OXCT1: variants seen among roughly 807,000 people sequenced by gnomAD.
OXCT1 encodes 3-oxoacid CoA-transferase 1.
Under a neutral mutation model 69.6 loss-of-function variants are expected in OXCT1, and 27 were observed. The observed-to-expected ratio is 0.39, with a 90% confidence interval of 0.29 to 0.54. OXCT1 has a LOEUF of 0.54. OXCT1 is among the 20% of genes least tolerant of loss of function. The probability of loss-of-function intolerance (pLI) is 0.72; values close to 1 mark genes in which losing one functional copy is unlikely to be tolerated. For synonymous variants in OXCT1, 202 were observed against 217.8 expected (o/e 0.93, Z 0.64); for missense variants, 437 against 650.2 (o/e 0.67, Z 3.57).
At chr5:41,806,472 A>G (rs949828303) in intron 8 of OXCT1, among the ~76,000 whole-genome samples, 2 of 152,034 alleles carry the variant, frequency 1.3e-5, no homozygotes, top group African/African-American at 2.4e-5. Flanking sequence ...GTACTTTCCA[A>G]TGTTGGAGAT....
chr5:41,843,854 A>G (rs1230395826), intron 5 of OXCT1, among the ~76,000 whole-genome samples: 1 of 152,254 alleles, frequency 6.6e-6, no homozygotes, highest in Non-Finnish European at 1.5e-5. Flanking sequence ...GCTAGAAAAA[A>G]GATTAATGCA....
Position 41,731,506 on chromosome 5 carries a change from T to C in OXCT1, c.*223A>G. On this transcript the variant is annotated 3_prime_UTR_variant, in exon 17 of 17. Transcript: ENST00000196371. ...ATTACCTATTATAAAAACAACCTTC[T>C]CAGCCTTAACAAATGAGATAATTAT... 2 of 900,726 alleles carry C rather than the reference T, an allele frequency of 2.2e-6. No homozygotes were observed. Among genetic ancestry groups the C allele is most frequent in the Non-Finnish European group, 1.6e-6 (1 of 624,658 alleles). 55.8% of individuals were successfully genotyped at this position (900,726 alleles called of 1,614,324 possible).
At chr5:41,801,502 C>T (rs7709500) in intron 10 of OXCT1, among the ~76,000 whole-genome samples, 27,795 of 151,932 alleles carry the variant, frequency 0.18, 2,756 homozygotes, top group Middle Eastern at 0.29. Flanking sequence ...ACCAGGCTGG[C>T]CAACATAGTG....
intron 13 of OXCT1, among the ~76,000 whole-genome samples, chr5:41,763,717 G>A (rs1216541985): frequency 6.6e-6 from 1 of 151,982 alleles, no homozygotes; most frequent in Non-Finnish European, 1.5e-5. Context: ...GGCGAGCGCT[G>A]GAAGAATGAA....
chr5:41,822,812 C>G (rs1035006914), intron 7 of OXCT1, among the ~76,000 whole-genome samples: 4 of 152,118 alleles, frequency 2.6e-5, no homozygotes, highest in Non-Finnish European at 5.9e-5. Context: ...TTTTTACATT[C>G]ATCTCTTTAC....
At position 41,762,151 on chromosome 5, in the gene OXCT1, G is replaced by A. The variant is rs778023760; in HGVS notation, c.1298C>T (p.Ala433Val). The A allele has an allele frequency of 1.4e-5, 23 of 1,613,052 alleles. No individual in the cohort carries two copies. The highest frequency in any genetic ancestry group is 6.7e-5 in the Admixed American group (4 of 59,954). Residue 433 changes from alanine (A) to valine (V), a missense_variant, in exon 14 of 17, where the codon GCG becomes GTG. Physicochemically the swap from Ala to Val is moderately conservative, Grantham distance 64. Coordinates refer to ENST00000196371, the MANE Select transcript of OXCT1 (RefSeq NM_000436.4). The surrounding 1 kb of genome is among the most constrained non-coding windows in gnomAD (Gnocchi z 4.0). The part of the protein sequence containing the change: ...MGGAMDLVSS[A>V]KTKVVVTMEH... ...CATGGTGACCACCACTTTGGTTTTC[G>A]CACTGGACACTAAATCCATAGCACC...
At chr5:41,818,298 G>A (rs902146767) in intron 7 of OXCT1, among the ~76,000 whole-genome samples, 4 of 152,156 alleles carry the variant, frequency 2.6e-5, no homozygotes, top group African/African-American at 9.7e-5. Flanking sequence ...AACATTCTAG[G>A]CAGTAGGAAT....
Position 41,735,536 on chromosome 5 carries a change from C to A in OXCT1, c.1522-3766G>T, listed in dbSNP as rs559329618. Among the ~76,000 whole-genome samples the A allele has an allele frequency of 4.6e-5, 7 of 152,318 alleles. No homozygotes were observed. The East Asian group carries it at 1.3e-3, about 29-fold the overall frequency. Reference sequence around the variant, plus strand: ...AATGTGAATACACTTAATATTACTGCATTGTACACTTAAACATGGTTAAGA... The same window carrying A: ...AATGTGAATACACTTAATATTACTGAATTGTACACTTAAACATGGTTAAGA... On this transcript the variant is annotated intron_variant, in intron 16 of 16. Coordinates refer to ENST00000196371, the MANE Select transcript of OXCT1 (RefSeq NM_000436.4).
intron 13 of OXCT1, among the ~76,000 whole-genome samples, chr5:41,764,067 A>G (rs910771250): frequency 3.3e-5 from 5 of 152,200 alleles, no homozygotes; most frequent in African/African-American, 1.2e-4. Context: ...ACTCAATATA[A>G]GTGAATAGCC....
At chr5:41,869,436 G>C (rs972574163) in intron 1 of OXCT1, among the ~76,000 whole-genome samples, 13 of 152,196 alleles carry the variant, frequency 8.5e-5, no homozygotes, top group Admixed American at 7.2e-4. Flanking sequence ...ACAGGGGTGG[G>C]CTTACAAGCG....
At chr5:41,865,101 C>A (rs1246445421) in intron 1 of OXCT1, among the ~76,000 whole-genome samples, 1 of 152,064 alleles carries the variant, frequency 6.6e-6, no homozygotes, top group Non-Finnish European at 1.5e-5. Context: ...AGTTACAATC[C>A]GAATACACTT....
intron 3 of OXCT1, among the ~76,000 whole-genome samples, chr5:41,855,809 A>G (rs989766303): frequency 6.6e-6 from 1 of 152,186 alleles, no homozygotes; most frequent in African/African-American, 2.4e-5. Context: ...GATAATTCTG[A>G]AAATGGAGAA....
chr5:41,762,052 G>A lies in OXCT1; in HGVS notation c.1338+59C>T. 9.0e-7 allele frequency: 1 copy of A among 1,108,126 alleles called. No individual in the cohort carries two copies. The highest frequency in any genetic ancestry group is 1.2e-5 in the South Asian group (1 of 81,114). 68.6% of individuals were successfully genotyped at this position (1,108,126 alleles called of 1,614,324 possible). A position where few individuals can be genotyped will look rare whatever the true frequency, so the allele number is the denominator to read the frequency against. ...CAGTTAGGTGACCTGGTGGTACACT[G>A]GGTTTTGATGTATTGCAAATTTCCA... On this transcript the variant is annotated intron_variant, in intron 14 of 16. Transcript: ENST00000196371. This position sits in a 1 kb window ranked among gnomAD's most constrained non-coding sequence, Gnocchi z 4.0.
chr5:41,867,976 C>T (rs923054501), intron 1 of OXCT1, among the ~76,000 whole-genome samples: 17 of 152,244 alleles, frequency 1.1e-4, no homozygotes, highest in Non-Finnish European at 1.9e-4. Context: ...GCAGTCAGTC[C>T]CCAGACCAGC....
chr5:41,731,592 C>A lies in OXCT1; in HGVS notation c.*137G>T, dbSNP rs1297143608. The A allele has an allele frequency of 2.4e-6, 3 of 1,251,942 alleles. No individual in the cohort carries two copies. The highest frequency in any genetic ancestry group is 3.0e-5 in the African/African-American group (2 of 66,214). 77.6% of individuals were successfully genotyped at this position (1,251,942 alleles called of 1,614,324 possible). A position where few individuals can be genotyped will look rare whatever the true frequency, so the allele number is the denominator to read the frequency against. On this transcript the variant is annotated 3_prime_UTR_variant, in exon 17 of 17. Coordinates refer to ENST00000196371, the MANE Select transcript of OXCT1 (RefSeq NM_000436.4). ...CATGCCTAGAGAACAGTTTATATGG[C>A]TGCATAAAGTCTGAAACACAAGAAA... is the stretch of plus-strand genomic sequence containing the variant.
At chr5:41,745,599 G>C (rs1743440523) in intron 15 of OXCT1, among the ~76,000 whole-genome samples, 1 of 151,656 alleles carries the variant, frequency 6.6e-6, no homozygotes, top group Non-Finnish European at 1.5e-5. Context: ...CAAAAAATCA[G>C]TGAATCCAGG....
At chr5:41,780,611 A>G (rs1205219864) in intron 13 of OXCT1, among the ~76,000 whole-genome samples, 1 of 152,178 alleles carries the variant, frequency 6.6e-6, no homozygotes, top group Admixed American at 6.6e-5. Flanking sequence ...AAATTATTAT[A>G]GCTGATAAGA....
At chr5:41,816,833 T>C (rs1747268647) in intron 7 of OXCT1, among the ~76,000 whole-genome samples, 2 of 152,214 alleles carry the variant, frequency 1.3e-5, no homozygotes, top group South Asian at 4.1e-4. Context: ...CTGGAATTTC[T>C]GTTCCTCTAT....
chr5:41,794,618 G>A (rs1746086991), intron 12 of OXCT1, 59 bp downstream of exon 12: 2 of 1,479,598 alleles, frequency 1.4e-6, no homozygotes, highest in Non-Finnish European at 1.9e-6. Flanking sequence ...AACACACTCA[G>A]ACGATGACTC....
Sources: allele counts gnomAD v4.1 joint callset (sites outside exome capture counted in the v4.1 genomes callset), GRCh38; gene constraint gnomAD v4.1.1; non-coding constraint Gnocchi (gnomAD v3.1); transcripts MANE v1.5; gene names NCBI Gene and HGNC (gene_info 2026-07-23, HGNC 2026-07-21).